ITGA11: variants seen among roughly 807,000 people sequenced by gnomAD.
ITGA11 encodes integrin subunit alpha 11, also known as integrin alpha-11.
A neutral mutation model predicts 141.9 loss-of-function variants in ITGA11; 97 were observed. The observed-to-expected ratio is 0.68, with a 90% CI of 0.58 to 0.81. The LOEUF is 0.81. Among genes scored for constraint, ITGA11 ranks in the 30% least tolerant of loss-of-function variants. The pLI is 0.00. For synonymous variants in ITGA11, 658 were observed against 624.6 expected, an observed-to-expected ratio of 1.05 and a Z score of -0.80; for missense variants, 1,387 against 1,559.2, an observed-to-expected ratio of 0.89 and a Z score of 1.86.
chr15:68,320,641 GCT>G (rs1440399311), intron 19 of ITGA11, among the ~76,000 whole-genome samples: 2 of 152,186 alleles, frequency 1.3e-5, no homozygotes, highest in African/African-American at 2.4e-5. Context: ...TGAACCCAGA[GCT>G]CTTATTTGAC....
chr15:68,361,740 G>C, intron 4 of ITGA11, 36 bp from the exon 5 acceptor site: 1 of 1,445,596 alleles, frequency 6.9e-7, no homozygotes, highest in Non-Finnish European at 9.6e-7. Flanking sequence ...GTCAGTGAGG[G>C]GACCTCAGAG....
Position 68,364,636 on chromosome 15 carries a change from G to A in ITGA11, c.357+71C>T. On this transcript the variant is annotated intron_variant, in intron 4 of 29. Transcript: ENST00000315757. ...ACAGGATGGACATGAGGGTGTGTAA[G>A]GAGACGCTCCACCCCTCCCCACCCC... 3.2e-6 allele frequency: 3 copies of A among 946,226 alleles called. No individual in the cohort carries two copies. In the South Asian group the frequency reaches 4.1e-5, roughly 13 times the overall value. 58.6% of individuals were successfully genotyped at this position (946,226 alleles called of 1,614,324 possible).
Position 68,326,789 on chromosome 15 carries a change from T to A in ITGA11, c.2076A>T (p.Arg692Ser). 4 of 1,580,318 alleles carry A rather than the reference T, an allele frequency of 2.5e-6. No homozygotes were observed. The highest frequency in any genetic ancestry group is 2.6e-6 in the Non-Finnish European group (3 of 1,162,534). Reference protein sequence around the residue: ...PHFQTTTVGIRYNATMDERRY... With the variant: ...PHFQTTTVGISYNATMDERRY... ...GCCTCTCATCCATGGTGGCGTTGTA[T>A]CTGATGCCTGCAGGAGGGGAGAGGG... Residue 692 changes from arginine (R) to serine (S), a missense_variant, in exon 17 of 30, where the codon AGA becomes AGT. Physicochemically the swap from Arg to Ser is moderately radical, Grantham distance 110 (BLOSUM62 -1). Coordinates refer to ENST00000315757, the MANE Select transcript of ITGA11 (RefSeq NM_001004439.2). This position sits in a 1 kb window ranked among gnomAD's most constrained non-coding sequence, Gnocchi z 6.8.
chr15:68,397,393 A>AAT (rs371659618), intron 2 of ITGA11, among the ~76,000 whole-genome samples: 682 of 6,126 alleles, frequency 0.11, 304 homozygotes, highest in East Asian at 0.75. Context: ...TTTATTATAT[A>AAT]ATATATTATA....
intron 15 of ITGA11, 101 bp downstream of exon 15, chr15:68,330,880 T>G (rs1894133375): frequency 7.0e-7 from 1 of 1,431,368 alleles, no homozygotes; most frequent in Admixed American, 1.9e-5. Context: ...TGAGGGCAGT[T>G]AAAGACAAGA....
intron 3 of ITGA11, among the ~76,000 whole-genome samples, chr15:68,368,796 C>T (rs545180233): frequency 5.3e-5 from 8 of 150,914 alleles, no homozygotes; most frequent in African/African-American, 9.8e-5. Context: ...TGAACATTAT[C>T]GAAGATATCT....
intron 1 of ITGA11, among the ~76,000 whole-genome samples, chr15:68,429,198 G>A (rs1277759072): frequency 1.3e-5 from 2 of 152,180 alleles, no homozygotes; most frequent in Admixed American, 6.5e-5. Flanking sequence ...CCACTTTGTA[G>A]GTGAGGAAAC....
At chr15:68,319,247 A>G (rs1173328593) in intron 20 of ITGA11, among the ~76,000 whole-genome samples, 3 of 152,172 alleles carry the variant, frequency 2.0e-5, no homozygotes, top group African/African-American at 7.2e-5. Flanking sequence ...ACCCCTCCCT[A>G]TGCCTCAGTT....
intron 3 of ITGA11, among the ~76,000 whole-genome samples, chr15:68,366,032 G>C (rs1392558265): frequency 1.3e-5 from 2 of 152,218 alleles, no homozygotes; most frequent in African/African-American, 2.4e-5. Flanking sequence ...GTGGACTGGA[G>C]GGTAGGGGCA....
chr15:68,395,499 T>C (rs1181707077), intron 2 of ITGA11, among the ~76,000 whole-genome samples: 1 of 150,996 alleles, frequency 6.6e-6, no homozygotes, highest in Non-Finnish European at 1.5e-5. Context: ...CTGATGGAGC[T>C]GAAAACCATG....
rs752356965 is a variant in ITGA11, at chr15:68,370,878, G to C, written c.165-1594C>G. The stretch of plus-strand genomic sequence containing the variant: ...TTGGGAGGAGGTGGCCGGGAGGCTC[G>C]GGCTGCATGGCACTTAAGTGGCTTC... On this transcript the variant is annotated intron_variant, in intron 2 of 29. Transcript: ENST00000315757. Among the ~76,000 whole-genome samples the C allele has an allele frequency of 2.0e-5, 3 of 152,144 alleles. 1 individual carries two copies. The highest frequency in any genetic ancestry group is 2.0e-4 in the Admixed American group (3 of 15,266).
intron 2 of ITGA11, among the ~76,000 whole-genome samples, chr15:68,383,316 T>C (rs1227539527): frequency 6.6e-6 from 1 of 151,264 alleles, no homozygotes; most frequent in Non-Finnish European, 1.5e-5. Context: ...GAGCCCTTGA[T>C]TCCTCATGAA....
rs770730857 is a variant in ITGA11 at position 68,324,623 on chromosome 15, G to A, written c.2322+508C>T. ...GAGCCAGGGATTAGAAAATGTGGCTGAGGGATGGGGCCGCTTCTTTTTGGA... is the reference window on the plus strand; with the variant it reads ...GAGCCAGGGATTAGAAAATGTGGCTAAGGGATGGGGCCGCTTCTTTTTGGA... On this transcript the variant is annotated intron_variant, in intron 18 of 29. Coordinates refer to ENST00000315757, the MANE Select transcript of ITGA11 (RefSeq NM_001004439.2). This position sits in a 1 kb window ranked among gnomAD's most constrained non-coding sequence, Gnocchi z 6.3. 3.9e-5 allele frequency among the ~76,000 whole-genome samples: 6 copies of A among 152,114 alleles called. No homozygotes were observed. The highest frequency in any genetic ancestry group is 8.8e-5 in the Non-Finnish European group (6 of 68,024).
chr15:68,390,589 G>T (rs987609809), intron 2 of ITGA11, among the ~76,000 whole-genome samples: 4 of 152,140 alleles, frequency 2.6e-5, no homozygotes, highest in Non-Finnish European at 4.4e-5. Flanking sequence ...ACCAAGGCAC[G>T]CAAGCTCTGC....
At chr15:68,350,833 TC>T (rs1894886117) in intron 8 of ITGA11, 51 bp from the exon 9 acceptor site, 1 of 1,566,582 alleles carries the variant, frequency 6.4e-7, no homozygotes, top group South Asian at 1.2e-5. Context: ...GCACAGACTT[TC>T]CCATACACCA....
chr15:68,347,662 C>A (rs572247499), intron 10 of ITGA11, among the ~76,000 whole-genome samples: 5 of 152,262 alleles, frequency 3.3e-5, no homozygotes, highest in African/African-American at 1.2e-4. Flanking sequence ...GGAGCAGCTG[C>A]TTGGTGTAGA....
chr15:68,425,290 C>T (rs544313970), intron 1 of ITGA11, among the ~76,000 whole-genome samples: 82 of 152,328 alleles, frequency 5.4e-4, no homozygotes, highest in African/African-American at 1.9e-3. Context: ...TGGTGAATGC[C>T]CTGCTGTGGC....
intron 2 of ITGA11, among the ~76,000 whole-genome samples, chr15:68,385,921 C>T (rs567054795): frequency 7.9e-5 from 12 of 152,268 alleles, no homozygotes; most frequent in East Asian, 7.7e-4. Flanking sequence ...GACGGAGCAG[C>T]CCTAAAGGCC....
At chr15:68,403,065 G>T (rs1204965543) in intron 1 of ITGA11, 36 bp from the exon 2 acceptor site, 3 of 1,423,966 alleles carry the variant, frequency 2.1e-6, no homozygotes, top group Non-Finnish European at 3.0e-6. Context: ...AAGCAGGGGA[G>T]TCAGACAGGC....
Sources: allele counts gnomAD v4.1 joint callset (sites outside exome capture counted in the v4.1 genomes callset), GRCh38; gene constraint gnomAD v4.1.1; non-coding constraint Gnocchi (gnomAD v3.1); transcripts MANE v1.5; gene names NCBI Gene and HGNC (gene_info 2026-07-23, HGNC 2026-07-21).